The following ACTR3C variants were observed in gnomAD, a reference collection of about 807,000 sequenced individuals.
ACTR3C encodes the protein actin-related protein 3C.
In ACTR3C, 18 loss-of-function variants were observed where a neutral mutation model predicts 26.3. The observed-to-expected ratio is 0.68, with a 90% CI of 0.47 to 1.01. The LOEUF is 1.01. Among genes scored for constraint, ACTR3C ranks in the 50% least tolerant of loss-of-function variants. The pLI, the probability that ACTR3C is intolerant of heterozygous loss-of-function variation, is 0.00. For missense variants in ACTR3C, 184 were observed against 250.7 expected (o/e 0.73, Z 1.80); for synonymous variants, 55 against 94.5 (o/e 0.58, Z 2.42).
the ACTR3C span, among the ~76,000 whole-genome samples, chr7:150,168,269 C>G: frequency 4.6e-5 from 7 of 150,856 alleles, no homozygotes; most frequent in East Asian, 1.4e-3. Context: ...TGGAGCTCTG[C>G]CTCCTGTCAG....
chr7:150,009,955 G>A, the ACTR3C span, among the ~76,000 whole-genome samples: 1 of 152,222 alleles, frequency 6.6e-6, no homozygotes. Context: ...GCACAGTTCA[G>A]CTCCCATTAC....
chr7:150,134,515 G>A, the ACTR3C span, among the ~76,000 whole-genome samples: 72 of 152,280 alleles, frequency 4.7e-4, no homozygotes, highest in African/African-American at 1.7e-3. Flanking sequence ...GCACAAACAT[G>A]AACACGTGCC....
chr7:149,970,537 C>G, the ACTR3C span, among the ~76,000 whole-genome samples: 1 of 152,150 alleles, frequency 6.6e-6, no homozygotes, highest in Non-Finnish European at 1.5e-5. Flanking sequence ...TCATCTGTCT[C>G]GATGTGAATG....
At chr7:149,924,211 A>G in the ACTR3C span, among the ~76,000 whole-genome samples, 1 of 146,876 alleles carries the variant, frequency 6.8e-6, no homozygotes, top group Admixed American at 7.1e-5. Context: ...GCCCGTCTCT[A>G]CTAAATATAA....
the ACTR3C span, among the ~76,000 whole-genome samples, chr7:150,156,667 A>G: frequency 6.6e-6 from 1 of 152,150 alleles, no homozygotes; most frequent in Non-Finnish European, 1.5e-5. Context: ...AAGATCATTC[A>G]ATTTAAATTT....
the ACTR3C span, among the ~76,000 whole-genome samples, chr7:150,054,658 T>C: frequency 6.6e-5 from 10 of 152,232 alleles, no homozygotes; most frequent in Non-Finnish European, 1.2e-4. Context: ...AATGTGGGTC[T>C]TGGAATAAAT....
the ACTR3C span, among the ~76,000 whole-genome samples, chr7:150,192,751 G>A: frequency 6.6e-6 from 1 of 152,216 alleles, no homozygotes; most frequent in African/African-American, 2.4e-5. Flanking sequence ...CCCACGTGGT[G>A]ATGGTCTTAT....
At chr7:150,192,935 A>G in the ACTR3C span, among the ~76,000 whole-genome samples, 1 of 152,214 alleles carries the variant, frequency 6.6e-6, no homozygotes, top group Non-Finnish European at 1.5e-5. Context: ...TTTAGCCTGT[A>G]TGTTGCAATC....
the ACTR3C span, among the ~76,000 whole-genome samples, chr7:150,232,249 A>G: frequency 1.3e-5 from 2 of 152,162 alleles, no homozygotes; most frequent in Non-Finnish European, 2.9e-5. Context: ...CTTTTGACCT[A>G]TGTCTCTATA....
At chr7:150,262,600 A>G (rs2129610156) in intron 6 of ACTR3C, among the ~76,000 whole-genome samples, 1 of 152,372 alleles carries the variant, frequency 6.6e-6, no homozygotes, top group African/African-American at 2.4e-5. Context: ...GATGTGAGAT[A>G]AGGCAGGGCT....
chr7:149,931,917 C>T, the ACTR3C span, among the ~76,000 whole-genome samples: 138,791 of 152,294 alleles, frequency 0.91, 63,996 homozygotes, highest in Non-Finnish European at 0.99. Flanking sequence ...TTTAGAAGTT[C>T]GAGTCTCCTC....
At chr7:150,271,359 G>A (rs1384852389) in intron 6 of ACTR3C, among the ~76,000 whole-genome samples, 3 of 150,228 alleles carry the variant, frequency 2.0e-5, no homozygotes, top group East Asian at 1.9e-4. Context: ...CAACAGGCCC[G>A]GATGTGTGGT....
chr7:150,139,027 T>A, the ACTR3C span, among the ~76,000 whole-genome samples: 1 of 152,398 alleles, frequency 6.6e-6, no homozygotes, highest in African/African-American at 2.4e-5. Context: ...TTCTATATTA[T>A]GGGGAGTTGT....
chr7:150,209,332 G>GAGAGA, the ACTR3C span, among the ~76,000 whole-genome samples: 5 of 148,742 alleles, frequency 3.4e-5, no homozygotes, highest in African/African-American at 1.0e-4. Flanking sequence ...GAGAGAGAGA[G>GAGAGA]AAGTGGAAGC....
the ACTR3C span, among the ~76,000 whole-genome samples, chr7:150,070,799 CTT>C: frequency 3.7e-5 from 5 of 134,088 alleles, no homozygotes; most frequent in Non-Finnish European, 4.8e-5. Flanking sequence ...TTTTTCTTTT[CTT>C]TTTTTTTTTT....
At chr7:150,024,846 C>T in the ACTR3C span, among the ~76,000 whole-genome samples, 1 of 148,896 alleles carries the variant, frequency 6.7e-6, no homozygotes, top group Non-Finnish European at 1.5e-5. Context: ...TCATGCATTA[C>T]AAATGCACAA....
chr7:150,193,158 C>G, the ACTR3C span, among the ~76,000 whole-genome samples: 1 of 152,268 alleles, frequency 6.6e-6, no homozygotes, highest in East Asian at 1.9e-4. Context: ...TCTGCCTAAA[C>G]AGCCTTAATT....
intron 6 of ACTR3C, among the ~76,000 whole-genome samples, chr7:150,253,503 T>C (rs1832989585): frequency 6.6e-6 from 1 of 152,212 alleles, no homozygotes; most frequent in Admixed American, 6.5e-5. Context: ...AGTTTTGCTG[T>C]AACCTGAGAT....
At chr7:150,082,178 T>C in the ACTR3C span, among the ~76,000 whole-genome samples, 3 of 152,180 alleles carry the variant, frequency 2.0e-5, no homozygotes. Flanking sequence ...TGCCTGTTCC[T>C]AGACTCCACA....
Sources: allele counts gnomAD v4.1 joint callset (sites outside exome capture counted in the v4.1 genomes callset), GRCh38; gene constraint gnomAD v4.1.1; transcripts MANE v1.5; gene names NCBI Gene and HGNC (gene_info 2026-07-23, HGNC 2026-07-21).